Variants in EHBP1 observed in about 807,000 individuals in gnomAD.
EHBP1 encodes the protein EH domain-binding protein 1.
In EHBP1, 55 loss-of-function variants were observed where a neutral mutation model predicts 144.0. The ratio of observed to expected loss-of-function variants is 0.38; its 90% CI spans 0.31 to 0.48. The LOEUF is 0.48. Among genes scored for constraint, EHBP1 ranks in the 20% least tolerant of loss-of-function variants. EHBP1 has a pLI of 0.98. For synonymous variants in EHBP1, 469 were observed against 472.7 expected (o/e 0.99, Z 0.10); for missense variants, 1,200 against 1,364.2 (o/e 0.88, Z 1.90).
At chr2:62,952,361 T>C (rs923792511) in intron 13 of EHBP1, among the ~76,000 whole-genome samples, 1 of 152,206 alleles carries the variant, frequency 6.6e-6, no homozygotes, top group African/African-American at 2.4e-5. Flanking sequence ...TACACATCTT[T>C]TTACATTTTA....
chr2:62,720,362 C>T (rs1403223286), intron 2 of EHBP1, among the ~76,000 whole-genome samples: 1 of 152,124 alleles, frequency 6.6e-6, no homozygotes, highest in Non-Finnish European at 1.5e-5. Context: ...AATTAGCCTT[C>T]CTTTAAATAT....
At chr2:62,915,592 C>G (rs1032290790) in intron 10 of EHBP1, among the ~76,000 whole-genome samples, 1 of 152,014 alleles carries the variant, frequency 6.6e-6, no homozygotes. Flanking sequence ...GAAAGCATCC[C>G]TCTTTCCTAG....
intron 5 of EHBP1, among the ~76,000 whole-genome samples, chr2:62,814,204 A>G (rs527408010): frequency 1.9e-4 from 29 of 152,192 alleles, no homozygotes; most frequent in Non-Finnish European, 3.2e-4. Context: ...GCCTTTATGA[A>G]TGCATTAATT....
At chr2:62,860,177 A>T (rs2049389682) in intron 8 of EHBP1, among the ~76,000 whole-genome samples, 1 of 152,150 alleles carries the variant, frequency 6.6e-6, no homozygotes, top group African/African-American at 2.4e-5. Context: ...ATATATTATG[A>T]ACATATTTTA....
intron 10 of EHBP1, among the ~76,000 whole-genome samples, chr2:62,898,275 T>C (rs2053105741): frequency 6.6e-6 from 1 of 152,210 alleles, no homozygotes; most frequent in Non-Finnish European, 1.5e-5. Context: ...AGTAAGATAC[T>C]GCATAAAATA....
intron 1 of EHBP1, among the ~76,000 whole-genome samples, chr2:62,686,152 G>A (rs1327403460): frequency 6.6e-6 from 1 of 152,176 alleles, no homozygotes; most frequent in Admixed American, 6.6e-5. Flanking sequence ...CATTGGAAAT[G>A]CCCACTTGCC....
At chr2:62,717,242 A>C (rs1312000053) in intron 2 of EHBP1, among the ~76,000 whole-genome samples, 1 of 152,218 alleles carries the variant, frequency 6.6e-6, no homozygotes, top group East Asian at 1.9e-4. Flanking sequence ...TTCTGTTCTT[A>C]TGATTTAGTT....
chr2:62,773,837 C>A (rs2041850897), intron 5 of EHBP1, among the ~76,000 whole-genome samples: 1 of 71,296 alleles, frequency 1.4e-5, no homozygotes, highest in Non-Finnish European at 2.6e-5. Flanking sequence ...GGTGATACAG[C>A]AAGACTCCAT....
At chr2:62,677,596 A>C (rs985932448) in intron 1 of EHBP1, among the ~76,000 whole-genome samples, 1 of 151,824 alleles carries the variant, frequency 6.6e-6, no homozygotes, top group African/African-American at 2.4e-5. Context: ...CATTCTTTCT[A>C]TTTTTTTGTA....
intron 18 of EHBP1, 137 bp downstream of exon 18, chr2:62,994,114 G>T: frequency 1.9e-6 from 1 of 533,322 alleles, no homozygotes; most frequent in Non-Finnish European, 3.3e-6. Flanking sequence ...CAGAGTGAGA[G>T]GGGTGCACTG....
rs1164417944 is a variant in EHBP1 at position 62,948,858 on chromosome 2, A to T, written c.2012A>T (p.Lys671Met). The T allele has an allele frequency of 6.2e-7, 1 of 1,614,018 alleles. No individual in the cohort carries two copies. Among genetic ancestry groups the T allele is most frequent in the African/African-American group, 1.3e-5 (1 of 74,928 alleles). The change falls in exon 13 of 23, where the codon AAG becomes ATG. Residue 671 changes from lysine (K) to methionine (M), a missense_variant. Transcript: ENST00000431489. Reference sequence around the variant, plus strand: ...AGTGACTTATATGTTAGTGATAAGAAGAAGGATATGTCTCCACCCTTTATT... The same window carrying T: ...AGTGACTTATATGTTAGTGATAAGATGAAGGATATGTCTCCACCCTTTATT... The part of the protein sequence containing the change: ...ELSDLYVSDK[K>M]KDMSPPFICE...
At chr2:63,007,036 G>A (rs764344272) in intron 19 of EHBP1, among the ~76,000 whole-genome samples, 12 of 151,752 alleles carry the variant, frequency 7.9e-5, no homozygotes, top group East Asian at 1.9e-4. Flanking sequence ...TTTCAGAAAC[G>A]TATTGCTAAA....
At chr2:62,882,151 A>C (rs1411972807) in intron 10 of EHBP1, among the ~76,000 whole-genome samples, 1 of 152,098 alleles carries the variant, frequency 6.6e-6, no homozygotes, top group Non-Finnish European at 1.5e-5. Flanking sequence ...AGTTCATTTT[A>C]TTTGTTTGCC....
intron 5 of EHBP1, among the ~76,000 whole-genome samples, chr2:62,806,434 A>G (rs1022000219): frequency 1.3e-5 from 2 of 151,740 alleles, no homozygotes; most frequent in African/African-American, 2.4e-5. Flanking sequence ...GCAGTGGCGC[A>G]ATCACAGTTC....
intron 5 of EHBP1, among the ~76,000 whole-genome samples, chr2:62,791,885 C>G (rs775251540): frequency 2.6e-5 from 4 of 151,936 alleles, no homozygotes; most frequent in Non-Finnish European, 5.9e-5. Flanking sequence ...TGCTTTAAAA[C>G]AGGGTTATTT....
intron 5 of EHBP1, among the ~76,000 whole-genome samples, chr2:62,815,236 G>A (rs1026024416): frequency 2.0e-5 from 3 of 152,166 alleles, no homozygotes; most frequent in African/African-American, 7.2e-5. Context: ...CCCCAGATTT[G>A]TACTATCACT....
At chr2:62,974,634 A>C (rs1049346516) in intron 14 of EHBP1, among the ~76,000 whole-genome samples, 1 of 152,158 alleles carries the variant, frequency 6.6e-6, no homozygotes, top group Non-Finnish European at 1.5e-5. Context: ...TGCTTATGAT[A>C]AACAGGAAAT....
chr2:62,866,809 G>A (rs1022421377), intron 9 of EHBP1, among the ~76,000 whole-genome samples: 4 of 152,020 alleles, frequency 2.6e-5, no homozygotes, highest in African/African-American at 9.7e-5. Context: ...ATTTGAAGAA[G>A]TAAACACCAA....
intron 1 of EHBP1, among the ~76,000 whole-genome samples, chr2:62,682,088 A>G (rs1463246688): frequency 6.6e-6 from 1 of 152,232 alleles, no homozygotes; most frequent in African/African-American, 2.4e-5. Flanking sequence ...ATGGACAGAG[A>G]CCTCAATCCC....
Sources: gnomAD v4.1 joint callset for allele counts (sites outside exome capture counted in the v4.1 genomes callset) on GRCh38, gnomAD v4.1.1 for gene constraint, MANE v1.5 for transcripts, NCBI Gene and HGNC (gene_info 2026-07-23, HGNC 2026-07-21) for gene names.